Variants in VPS4B observed in about 807,000 individuals in gnomAD.
VPS4B encodes vacuolar protein sorting 4 homolog B.
Under a neutral mutation model 56.1 loss-of-function variants are expected in VPS4B, and 23 were observed. The observed-to-expected ratio is 0.41, with a 90% CI of 0.30 to 0.58. The LOEUF is 0.58. VPS4B is among the 20% of genes least tolerant of loss of function. The probability of loss-of-function intolerance (pLI) is 0.29; values close to 1 mark genes in which losing one functional copy is unlikely to be tolerated. For missense variants in VPS4B, 372 were observed against 531.9 expected, an observed-to-expected ratio of 0.70 and a Z score of 2.96; for synonymous variants, 177 against 186.0, an observed-to-expected ratio of 0.95 and a Z score of 0.39.
In VPS4B at chr18:63,400,043, A is replaced by G; in HGVS notation, c.790+5T>C. The G allele has an allele frequency of 6.3e-7, 1 of 1,597,064 alleles. No homozygotes were observed. The highest frequency in any genetic ancestry group is 8.5e-7 in the Non-Finnish European group (1 of 1,175,608). On this transcript the variant is annotated splice_donor_5th_base_variant and intron_variant, in intron 7 of 10. Transcript: ENST00000238497. ...CAAAAAGAAAAAAAAAATTAGTAAC[A>G]CTACCTTGCATTTGCACTAGGAACT...
intron 4 of VPS4B, chr18:63,404,670 T>C (rs558660308): frequency 6.6e-6 from 1 of 152,354 alleles, no homozygotes; most frequent in South Asian, 2.1e-4. Flanking sequence ...ACTGTTCCAC[T>C]ATAAACTATG....
intron 8 of VPS4B, 138 bp downstream of exon 8, chr18:63,399,104 C>T: frequency 3.1e-6 from 2 of 649,326 alleles, no homozygotes; most frequent in Non-Finnish European, 5.1e-6. Flanking sequence ...CCACTCAAGG[C>T]AGGGGAGCAA....
intron 5 of VPS4B, 26 bp from the exon 6 acceptor site, chr18:63,400,729 C>T (rs200803868): frequency 1.3e-6 from 2 of 1,585,914 alleles, no homozygotes; most frequent in Non-Finnish European, 1.7e-6. Context: ...AGAAAAATGT[C>T]ATGAGAATTT....
intron 9 of VPS4B, among the ~76,000 whole-genome samples, chr18:63,394,678 G>T (rs1293387617): frequency 1.3e-5 from 2 of 152,134 alleles, no homozygotes; most frequent in Non-Finnish European, 2.9e-5. Flanking sequence ...TGATGGCCAG[G>T]CTGGTCTCGA....
At chr18:63,417,457 A>G (rs189963975) in intron 1 of VPS4B, among the ~76,000 whole-genome samples, 2,573 of 151,940 alleles carry the variant, frequency 0.017, 66 homozygotes, top group African/African-American at 0.06. Context: ...TGAGCCCCCA[A>G]CCACCACTTT....
chr18:63,410,456 G>A lies in VPS4B; in HGVS notation c.140-10C>T, dbSNP rs1246819579. 6.2e-7 allele frequency: 1 copy of A among 1,608,938 alleles called. No homozygotes were observed. The highest frequency in any genetic ancestry group is 1.1e-5 in the South Asian group (1 of 90,152). On this transcript the variant is annotated splice_polypyrimidine_tract_variant and intron_variant, in intron 2 of 10. Coordinates refer to ENST00000238497, the MANE Select transcript of VPS4B (RefSeq NM_004869.4). ...TCACCCTGTGCTTCATCTATTAAAG[G>A]GAAATGAGAGAGATTTTTTTCCATT...
intron 3 of VPS4B, 101 bp from the exon 4 acceptor site, chr18:63,407,600 C>A: frequency 4.8e-6 from 4 of 842,036 alleles, no homozygotes; most frequent in South Asian, 3.5e-5. Context: ...ATTTCAGTGG[C>A]AAAATCAGAC....
chr18:63,395,949 A>C (rs541483143), intron 9 of VPS4B, among the ~76,000 whole-genome samples: 6 of 152,224 alleles, frequency 3.9e-5, no homozygotes, highest in Non-Finnish European at 8.8e-5. Flanking sequence ...TACGTCCAAG[A>C]CTAACCACCA....
intron 1 of VPS4B, chr18:63,416,274 G>A: frequency 4.7e-6 from 1 of 211,546 alleles, no homozygotes. Flanking sequence ...TGTTCCTGCA[G>A]CAGCTGTAGC....
At chr18:63,400,489 G>A in intron 6 of VPS4B, 58 bp downstream of exon 6, 1 of 1,505,346 alleles carries the variant, frequency 6.6e-7, no homozygotes, top group Non-Finnish European at 9.0e-7. Context: ...ATCTATTAAG[G>A]AGTGATACAG....
chr18:63,418,766 C>A (rs1916226595), intron 1 of VPS4B, among the ~76,000 whole-genome samples: 1 of 152,134 alleles, frequency 6.6e-6, no homozygotes. Context: ...TGTCGCTAAT[C>A]CATAGAATTT....
chr18:63,391,492 G>A (rs1915549062), intron 10 of VPS4B, among the ~76,000 whole-genome samples: 1 of 152,216 alleles, frequency 6.6e-6, no homozygotes, highest in Admixed American at 6.5e-5. Flanking sequence ...GCCTTGCGAA[G>A]TGCTGGGATT....
At chr18:63,398,104 T>C (rs887111769) in intron 8 of VPS4B, among the ~76,000 whole-genome samples, 2 of 152,080 alleles carry the variant, frequency 1.3e-5, no homozygotes, top group Admixed American at 6.6e-5. Context: ...ATACCTTTCC[T>C]AGAACTGAAG....
rs1368225142 is a variant in VPS4B, at chr18:63,403,756, T to C, written c.435A>G (p.Ala145=). 3.1e-6 allele frequency: 5 copies of C among 1,613,556 alleles called. No individual in the cohort carries two copies. The highest frequency in any genetic ancestry group is 3.3e-5 in the Admixed American group (2 of 59,990). ...DVAGLEGAKE[A]LKEAVILPIK... The stretch of plus-strand genomic sequence containing the variant: ...TAGGCAGTATCACAGCCTCTTTCAG[T>C]GCTTCTTTGGCTCCTTCAAGTCCAG... The change falls in exon 5 of 11, where the codon GCA becomes GCG. Residue 145 remains alanine, a synonymous_variant. Coordinates refer to ENST00000238497, the MANE Select transcript of VPS4B (RefSeq NM_004869.4).
At chr18:63,415,397 G>T in intron 1 of VPS4B, 1 of 265,442 alleles carries the variant, frequency 3.8e-6, no homozygotes, top group South Asian at 4.8e-5. Context: ...AAGTCCTCCT[G>T]GGTGACATGC....
At position 63,390,978 on chromosome 18, in the gene VPS4B, G is replaced by C. The variant is rs1434856045; in HGVS notation, c.1332C>G (p.Gly444=). 1 of 1,601,376 alleles carries C rather than the reference G, an allele frequency of 6.2e-7. No homozygotes were observed. The highest frequency in any genetic ancestry group is 1.7e-5 in the Admixed American group (1 of 59,864). The part of the protein sequence containing the change: ...KKFTEDFGQE[G] Reference sequence around the variant, plus strand: ...AAGCATCTTCCTTGTCTTTGGCTTAGCCTTCTTGACCAAAATCTTCTGTAA... The same window carrying C: ...AAGCATCTTCCTTGTCTTTGGCTTACCCTTCTTGACCAAAATCTTCTGTAA... Residue 444 remains glycine, a synonymous_variant, in exon 11 of 11, where the codon GGC becomes GGG. Transcript: ENST00000238497.
chr18:63,419,939 T>C (rs1408817510), intron 1 of VPS4B, among the ~76,000 whole-genome samples: 2 of 152,228 alleles, frequency 1.3e-5, no homozygotes, highest in African/African-American at 4.8e-5. Flanking sequence ...GATTTTTGCC[T>C]TGTTCAGCAG....
At chr18:63,411,376 T>C in intron 2 of VPS4B, 91 bp downstream of exon 2, 1 of 908,126 alleles carries the variant, frequency 1.1e-6, no homozygotes, top group Non-Finnish European at 1.5e-6. Context: ...TCGTTTAGAA[T>C]TGTCTGGCAT....
chr18:63,399,306 CATT>C lies in VPS4B; in HGVS notation c.805_807del (p.Asn269del). Reference sequence around the variant, plus strand: ...GTAGCTCCCAGAACCAAAATTCCATCATTGTCTACACCAACCCCTGCATTAAAA... The same window carrying C: ...GTAGCTCCCAGAACCAAAATTCCATCGTCTACACCAACCCCTGCATTAAAA... On this transcript the variant is annotated inframe_deletion, in exon 8 of 11. Transcript: ENST00000238497. 6.2e-7 allele frequency: 1 copy of C among 1,614,030 alleles called. No homozygotes were observed. The highest frequency in any genetic ancestry group is 8.5e-7 in the Non-Finnish European group (1 of 1,179,934).
Sources: gnomAD v4.1 joint callset for allele counts (sites outside exome capture counted in the v4.1 genomes callset) on GRCh38, gnomAD v4.1.1 for gene constraint, MANE v1.5 for transcripts, NCBI Gene and HGNC (gene_info 2026-07-23, HGNC 2026-07-21) for gene names.